Variants in GKN2 observed in about 807,000 individuals in gnomAD.
GKN2 encodes the protein gastrokine-2.
Under a neutral mutation model 22.7 loss-of-function variants are expected in GKN2, and 17 were observed. That is an observed-to-expected ratio of 0.75 (90% CI 0.51 to 1.13). GKN2 has a LOEUF of 1.13. GKN2 is among the 50% of genes most tolerant of loss of function. The pLI is 0.00. For missense variants in GKN2, 248 were observed against 221.4 expected (o/e 1.12, Z -0.76); for synonymous variants, 82 against 79.6 (o/e 1.03, Z -0.16).
In GKN2 at chr2:68,947,268, A is replaced by G; in HGVS notation, c.205-11T>C. 1.3e-6 allele frequency: 2 copies of G among 1,555,742 alleles called. No individual in the cohort carries two copies. Among genetic ancestry groups the G allele is most frequent in the Non-Finnish European group, 1.8e-6 (2 of 1,126,684 alleles). On this transcript the variant is annotated splice_polypyrimidine_tract_variant and intron_variant, in intron 3 of 5. Coordinates refer to ENST00000328895, the MANE Select transcript of GKN2 (RefSeq NM_182536.3). Reference sequence around the variant, plus strand: ...GGATGCAATGTAGCCCTGAGGCAGCAAGAGTACAGTTACTGTTCCTCCCTA... The same window carrying G: ...GGATGCAATGTAGCCCTGAGGCAGCGAGAGTACAGTTACTGTTCCTCCCTA...
Position 68,947,244 on chromosome 2 carries a change from G to C in GKN2, c.218C>G (p.Ser73Cys). 1 of 1,611,634 alleles carries C rather than the reference G, an allele frequency of 6.2e-7. No homozygotes were observed. Among genetic ancestry groups the C allele is most frequent in the Non-Finnish European group, 8.5e-7 (1 of 1,177,788 alleles). The change falls in exon 4 of 6, where the codon TCC becomes TGC. Residue 73 changes from serine to cysteine, a missense_variant. Transcript: ENST00000328895. ...GCAGGCTCTTCGGGAGAGCACCCTGGATGCAATGTAGCCCTGAGGCAGCAA... is the reference window on the plus strand; with the variant it reads ...GCAGGCTCTTCGGGAGAGCACCCTGCATGCAATGTAGCCCTGAGGCAGCAA... ...IFDYKHGYIASRVLSRRACFI... is the reference protein window; with the variant it reads ...IFDYKHGYIACRVLSRRACFI...
At position 68,946,402 on chromosome 2, in the gene GKN2, G is replaced by T; in HGVS notation, c.374C>A (p.Ser125Tyr). ...GAACCAATCCACGTCTTTGATCAGA[G>T]ACTCCAGAGGGTTGTACTTGACCCA... ...YTWVKYNPLE[S>Y]LIKDVDWFLL... The change falls in exon 5 of 6, where the codon TCT (serine) becomes TAT (tyrosine). Residue 125 changes from serine to tyrosine, a missense_variant. By Grantham distance (144) the Ser-to-Tyr change is moderately radical (BLOSUM62 -2). Coordinates refer to ENST00000328895, the MANE Select transcript of GKN2 (RefSeq NM_182536.3). 1.2e-6 allele frequency: 2 copies of T among 1,613,826 alleles called. No individual in the cohort carries two copies. Among genetic ancestry groups the T allele is most frequent in the Non-Finnish European group, 1.7e-6 (2 of 1,179,854 alleles).
intron 2 of GKN2, 81 bp downstream of exon 2, chr2:68,950,621 T>TA: frequency 8.8e-6 from 11 of 1,251,312 alleles, no homozygotes; most frequent in Non-Finnish European, 1.3e-5. Context: ...ATGGCCTCTC[T>TA]ACTGTCTTCA....
chr2:68,952,712 GTCATTAATTCAA>G lies in GKN2; in HGVS notation c.12+126_12+137del, dbSNP rs1669876297. 4.3e-6 allele frequency: 3 copies of G among 694,742 alleles called. No individual in the cohort carries two copies. In the African/African-American group the frequency reaches 5.4e-5, roughly 13 times the overall value. The allele number at this position is 694,742 out of a possible 1,614,324, so 43.0% of individuals were successfully genotyped here. A position where few individuals can be genotyped will look rare whatever the true frequency, so the allele number is the denominator to read the frequency against. ...ATTCAACACTATTTCTGCCAAAGAT[GTCATTAATTCAA>G]TCACAGAAGCTTAGAAGCATGCACA... On this transcript the variant is annotated intron_variant, in intron 1 of 5. Coordinates refer to ENST00000328895, the MANE Select transcript of GKN2 (RefSeq NM_182536.3).
At chr2:68,946,743 C>A (rs1669773409) in intron 4 of GKN2, among the ~76,000 whole-genome samples, 1 of 152,178 alleles carries the variant, frequency 6.6e-6, no homozygotes, top group African/African-American at 2.4e-5. Flanking sequence ...CCTTGGGTCT[C>A]TAGCCGCAGT....
Position 68,945,354 on chromosome 2 carries a change from G to A in GKN2, c.*14C>T, listed in dbSNP as rs1183495250. 1 of 1,553,320 alleles carries A rather than the reference G, an allele frequency of 6.4e-7. No individual in the cohort carries two copies. The highest frequency in any genetic ancestry group is 2.2e-5 in the East Asian group (1 of 44,484). On this transcript the variant is annotated 3_prime_UTR_variant, in exon 6 of 6. Coordinates refer to ENST00000328895, the MANE Select transcript of GKN2 (RefSeq NM_182536.3). ...GTATTTCTTTGAAAAGATAAAACAA[G>A]AGGGCTAATCATCCTAAACATGAAT... is the stretch of plus-strand genomic sequence containing the variant.
chr2:68,950,648 C>T (rs1573729175), intron 2 of GKN2, 54 bp downstream of exon 2: 1 of 1,509,262 alleles, frequency 6.6e-7, no homozygotes, highest in Non-Finnish European at 9.2e-7. Flanking sequence ...CTTGTACCTT[C>T]CCTTTCCTCT....
In GKN2 at chr2:68,948,012, G is replaced by A. The variant is rs187854397; in HGVS notation, c.205-755C>T. Among the ~76,000 whole-genome samples, 86 of 152,128 alleles carry A rather than the reference G, an allele frequency of 5.7e-4. 1 individual carries two copies. In the East Asian group the frequency reaches 0.014, roughly 24 times the overall value. On this transcript the variant is annotated intron_variant, in intron 3 of 5. Coordinates refer to ENST00000328895, the MANE Select transcript of GKN2 (RefSeq NM_182536.3). ...TGTAATCCCAGCACTTTGGGAGGCC[G>A]AGAAGGGCAGATCACAAGGTCAGGA...
rs1422986388 is a variant in GKN2, at chr2:68,948,232, C to A, written c.205-975G>T. On this transcript the variant is annotated intron_variant, in intron 3 of 5. Coordinates refer to ENST00000328895, the MANE Select transcript of GKN2 (RefSeq NM_182536.3). ...CTGGACTCCAGCCTGGGTGACAGAG[C>A]GAGACTCCGTCAAAAAAAAAAAACA... Among the ~76,000 whole-genome samples, 4 of 118,080 alleles carry A rather than the reference C, an allele frequency of 3.4e-5. No homozygotes were observed. The South Asian group carries it at 1.1e-3, about 31-fold the overall frequency. The allele number at this position is 118,080 out of a possible 152,430, so 77.5% of individuals were successfully genotyped here.
chr2:68,952,185 T>A (rs1260868586), intron 1 of GKN2, among the ~76,000 whole-genome samples: 2 of 152,150 alleles, frequency 1.3e-5, no homozygotes, highest in Non-Finnish European at 2.9e-5. Context: ...GAACGTTTTG[T>A]CCTAAGGGAG....
At chr2:68,951,884 T>A (rs575118996) in intron 1 of GKN2, among the ~76,000 whole-genome samples, 1 of 152,344 alleles carries the variant, frequency 6.6e-6, no homozygotes, top group East Asian at 1.9e-4. Flanking sequence ...TCCAACACTG[T>A]GGTTAATACA....
chr2:68,947,529 G>T (rs1669787535), intron 3 of GKN2, among the ~76,000 whole-genome samples: 1 of 152,072 alleles, frequency 6.6e-6, no homozygotes, highest in South Asian at 2.1e-4. Context: ...GCAGTTTGAG[G>T]TTTGAAAGAT....
Position 68,946,467 on chromosome 2 carries a change from C to G in GKN2, c.316-7G>C. On this transcript the variant is annotated splice_polypyrimidine_tract_variant and splice_region_variant and intron_variant, in intron 4 of 5. Coordinates refer to ENST00000328895, the MANE Select transcript of GKN2 (RefSeq NM_182536.3). Reference sequence around the variant, plus strand: ...AGAACATGTTGTCCAGAGCCTAGATCGGTATAACAGAAAAGAACAACATAA... The same window carrying G: ...AGAACATGTTGTCCAGAGCCTAGATGGGTATAACAGAAAAGAACAACATAA... 6.3e-7 allele frequency: 1 copy of G among 1,585,626 alleles called. No individual in the cohort carries two copies. The highest frequency in any genetic ancestry group is 1.4e-5 in the African/African-American group (1 of 73,614).
In GKN2 at chr2:68,945,364, C is replaced by A. The variant is rs1372574251; in HGVS notation, c.*4G>T. On this transcript the variant is annotated 3_prime_UTR_variant, in exon 6 of 6. Transcript: ENST00000328895. The stretch of plus-strand genomic sequence containing the variant: ...GAAAAGATAAAACAAGAGGGCTAAT[C>A]ATCCTAAACATGAATGTCTGCACAG... 1.3e-6 allele frequency: 2 copies of A among 1,576,548 alleles called. No individual in the cohort carries two copies. The highest frequency in any genetic ancestry group is 2.7e-5 in the African/African-American group (2 of 74,524).
At chr2:68,945,859 G>A (rs934340990) in intron 5 of GKN2, 10 of 222,066 alleles carry the variant, frequency 4.5e-5, no homozygotes, top group Admixed American at 1.0e-4. Context: ...TTTACTCCCT[G>A]TCTGTAAGTC....
Position 68,950,143 on chromosome 2 carries a change from T to G in GKN2, c.187A>C (p.Ile63Leu). 2 of 1,612,286 alleles carry G rather than the reference T, an allele frequency of 1.2e-6. No individual in the cohort carries two copies. Among genetic ancestry groups the G allele is most frequent in the Non-Finnish European group, 1.7e-6 (2 of 1,179,526 alleles). The part of the protein sequence containing the change: ...IHAGSCSSTT[I>L]FDYKHGYIAS... ...CTGCTTACATGTTTATAGTCAAAAA[T>G]TGTGGTAGAAGAGCATGATCCTGCA... Residue 63 changes from isoleucine to leucine, a missense_variant, in exon 3 of 6, where the codon ATT (isoleucine) becomes CTT (leucine). Ile to Leu is a conservative substitution (Grantham distance 5). Coordinates refer to ENST00000328895, the MANE Select transcript of GKN2 (RefSeq NM_182536.3).
intron 4 of GKN2, 32 bp from the exon 5 acceptor site, chr2:68,946,492 A>C: frequency 1.3e-6 from 2 of 1,520,584 alleles, no homozygotes; most frequent in Non-Finnish European, 1.8e-6. Context: ...GAACAACATA[A>C]AATAAATTGA....
chr2:68,949,877 C>T (rs189155915), intron 3 of GKN2, among the ~76,000 whole-genome samples: 25 of 152,306 alleles, frequency 1.6e-4, no homozygotes, highest in Middle Eastern at 6.8e-3. Flanking sequence ...AATAGCATTA[C>T]TCTTCCAATT....
In GKN2 at chr2:68,949,976, T is replaced by G. The variant is rs1338685635; in HGVS notation, c.204+150A>C. 3 of 605,708 alleles carry G rather than the reference T, an allele frequency of 5.0e-6. No homozygotes were observed. The African/African-American group carries it at 5.8e-5, about 12-fold the overall frequency. 37.5% of individuals were successfully genotyped at this position (605,708 alleles called of 1,614,324 possible). ...TTGTTTTTTTAACCAATTGCTTGAT[T>G]ATTTAAAGAGAAAAGTGAAAGTGAG... On this transcript the variant is annotated intron_variant, in intron 3 of 5. Coordinates refer to ENST00000328895, the MANE Select transcript of GKN2 (RefSeq NM_182536.3).
Sources: gnomAD v4.1 joint callset for allele counts (sites outside exome capture counted in the v4.1 genomes callset) on GRCh38, gnomAD v4.1.1 for gene constraint, MANE v1.5 for transcripts, NCBI Gene and HGNC (gene_info 2026-07-23, HGNC 2026-07-21) for gene names.